PRSS16: variants seen among roughly 807,000 people sequenced by gnomAD.
PRSS16 encodes the protein serine protease 16, also known as thymus-specific serine protease.
Under a neutral mutation model 61.7 loss-of-function variants are expected in PRSS16, and 43 were observed. The ratio of observed to expected loss-of-function variants is 0.70; its 90% CI spans 0.55 to 0.90. The LOEUF (loss-of-function observed/expected upper bound fraction) is 0.90. Among genes scored for constraint, PRSS16 ranks in the 40% least tolerant of loss-of-function variants. PRSS16 has a pLI of 0.00. For missense variants in PRSS16, 591 were observed against 659.1 expected, an observed-to-expected ratio of 0.90 and a Z score of 1.13; for synonymous variants, 273 against 285.2, an observed-to-expected ratio of 0.96 and a Z score of 0.43.
In PRSS16 at chr6:27,251,224, C is replaced by T; in HGVS notation, c.677C>T (p.Ser226Phe). The T allele has an allele frequency of 6.2e-7, 1 of 1,612,450 alleles. No individual in the cohort carries two copies. Among genetic ancestry groups the T allele is most frequent in the East Asian group, 2.2e-5 (1 of 44,812 alleles). The change falls in exon 7 of 12, where the codon TCC becomes TTC. Residue 226 changes from serine (S) to phenylalanine (F), a missense_variant. By Grantham distance (155) the Ser-to-Phe change is radical. Transcript: ENST00000230582. The surrounding 1 kb of genome is among the most constrained non-coding windows in gnomAD (Gnocchi z 5.6). ...TCTGCGGTCCGCCCACAGGTGGTAT[C>T]CCGAAGCCTAATGAGCACCGCGATC... ...LDFSEYNDVV[S>F]RSLMSTAIGG...
rs747923319 is a variant in PRSS16, at chr6:27,251,245, C to T, written c.698C>T (p.Ala233Val). The change falls in exon 7 of 12, where the codon GCG becomes GTG. Residue 233 changes from alanine to valine, a missense_variant. Ala to Val is a moderately conservative substitution (Grantham distance 64, BLOSUM62 0). Coordinates refer to ENST00000230582, the MANE Select transcript of PRSS16 (RefSeq NM_005865.4). This position sits in a 1 kb window ranked among gnomAD's most constrained non-coding sequence, Gnocchi z 5.6. Reference sequence around the variant, plus strand: ...GTATCCCGAAGCCTAATGAGCACCGCGATCGGCGGGTCCCTGGAGGTAGGA... The same window carrying T: ...GTATCCCGAAGCCTAATGAGCACCGTGATCGGCGGGTCCCTGGAGGTAGGA... ...DVVSRSLMST[A>V]IGGSLECRAA... The T allele has an allele frequency of 1.9e-6, 3 of 1,609,806 alleles. No homozygotes were observed. Among genetic ancestry groups the T allele is most frequent in the Non-Finnish European group, 2.5e-6 (3 of 1,177,578 alleles).
At position 27,255,601 on chromosome 6, in the gene PRSS16, C is replaced by G. The variant is rs528218816; in HGVS notation, c.*286C>G. ...ATGTGACTTATGCTGGTGCCCTCGC[C>G]CTGCTGATCAGATTCTGGTTCAAAT... On this transcript the variant is annotated 3_prime_UTR_variant, in exon 12 of 12. Transcript: ENST00000230582. This position sits in a 1 kb window ranked among gnomAD's most constrained non-coding sequence, Gnocchi z 4.4. 6.3e-6 allele frequency: 2 copies of G among 317,200 alleles called. No individual in the cohort carries two copies. The highest frequency in any genetic ancestry group is 4.7e-5 in the Admixed American group (1 of 21,288). The allele number at this position is 317,200 out of a possible 1,614,324, so 19.6% of individuals were successfully genotyped here. A position where few individuals can be genotyped will look rare whatever the true frequency, so the allele number is the denominator to read the frequency against.
intron 9 of PRSS16, chr6:27,254,217 G>A (rs1759979931): frequency 6.4e-6 from 1 of 155,202 alleles, no homozygotes; most frequent in African/African-American, 2.4e-5. Flanking sequence ...CCTGGTAGGT[G>A]GTCAACAAAT....
In PRSS16 at chr6:27,251,780, GA is replaced by G; in HGVS notation, c.750del (p.Val251TrpfsTer19). The G allele has an allele frequency of 6.2e-7, 1 of 1,608,848 alleles. No individual in the cohort carries two copies. The highest frequency in any genetic ancestry group is 8.5e-7 in the Non-Finnish European group (1 of 1,178,898). On this transcript the variant is annotated frameshift_variant, in exon 8 of 12. Coordinates refer to ENST00000230582, the MANE Select transcript of PRSS16 (RefSeq NM_005865.4). LOFTEE classifies it high-confidence loss of function. This position sits in a 1 kb window ranked among gnomAD's most constrained non-coding sequence, Gnocchi z 5.6. ...CRAAVSVAFA[E>X]VERRLRSGGA... Reference sequence around the variant, plus strand: ...GGCGGCGGTGTCCGTCGCCTTCGCTGAAGTGGAGCGGCGGCTGCGCTCGGGT... The same window carrying G: ...GGCGGCGGTGTCCGTCGCCTTCGCTGAGTGGAGCGGCGGCTGCGCTCGGGT...
chr6:27,250,792 T>C lies in PRSS16; in HGVS notation c.577T>C (p.Trp193Arg), dbSNP rs756508534. The change falls in exon 5 of 12, where the codon TGG becomes CGG. Residue 193 changes from tryptophan to arginine, a missense_variant. By Grantham distance (101) the Trp-to-Arg change is moderately radical. Coordinates refer to ENST00000230582, the MANE Select transcript of PRSS16 (RefSeq NM_005865.4). The stretch of plus-strand genomic sequence containing the variant: ...CTCCTATGCCGGCTCCTTGGCCGCC[T>C]GGGCCCGGCTGAAGGTCCTGCGACT... ...GGSYAGSLAA[W>R]ARLKFPHLIF... 6.2e-7 allele frequency: 1 copy of C among 1,610,246 alleles called. No individual in the cohort carries two copies. Among genetic ancestry groups the C allele is most frequent in the Non-Finnish European group, 8.5e-7 (1 of 1,178,422 alleles).
At position 27,254,352 on chromosome 6, in the gene PRSS16, T is replaced by G. The variant is rs578210813; in HGVS notation, c.1151-341T>G. ...TTGAGCTCCGAGCATTCCAGACCTT[T>G]GCACGTGCTATTTCTTCTATTTACT... On this transcript the variant is annotated intron_variant, in intron 9 of 11. Coordinates refer to ENST00000230582, the MANE Select transcript of PRSS16 (RefSeq NM_005865.4). The G allele has an allele frequency of 1.7e-5, 4 of 231,762 alleles. No homozygotes were observed. In the South Asian group the frequency reaches 3.0e-4, roughly 17 times the overall value. 14.4% of individuals were successfully genotyped at this position (231,762 alleles called of 1,614,324 possible).
At position 27,254,997 on chromosome 6, in the gene PRSS16, C is replaced by G; in HGVS notation, c.1342C>G (p.Pro448Ala). ...KVLFVNGDTD[P>A]WHVLSVTQAL... The stretch of plus-strand genomic sequence containing the variant: ...TCCTTTCTTTCCAGGGGACACAGAC[C>G]CCTGGCATGTGCTAAGTGTAACACA... Residue 448 changes from proline (P) to alanine (A), a missense_variant, in exon 11 of 12, where the codon CCC (proline) becomes GCC (alanine). Coordinates refer to ENST00000230582, the MANE Select transcript of PRSS16 (RefSeq NM_005865.4). 6.2e-7 allele frequency: 1 copy of G among 1,613,258 alleles called. No homozygotes were observed. Among genetic ancestry groups the G allele is most frequent in the South Asian group, 1.1e-5 (1 of 91,054 alleles).
rs554862324 is a variant in PRSS16, at chr6:27,251,194, C to T, written c.670-23C>T. On this transcript the variant is annotated intron_variant, in intron 6 of 11. Coordinates refer to ENST00000230582, the MANE Select transcript of PRSS16 (RefSeq NM_005865.4). The surrounding 1 kb of genome is among the most constrained non-coding windows in gnomAD (Gnocchi z 5.6). Reference sequence around the variant, plus strand: ...GGAGTCCCTTGACACTTCCGGATACCTTCCTCTGCGGTCCGCCCACAGGTG... The same window carrying T: ...GGAGTCCCTTGACACTTCCGGATACTTTCCTCTGCGGTCCGCCCACAGGTG... The T allele has an allele frequency of 1.3e-5, 21 of 1,613,534 alleles. No individual in the cohort carries two copies. In the East Asian group the frequency reaches 4.5e-4, roughly 34 times the overall value.
chr6:27,252,242 A>G lies in PRSS16; in HGVS notation c.1008+202A>G. On this transcript the variant is annotated intron_variant, in intron 8 of 11. Coordinates refer to ENST00000230582, the MANE Select transcript of PRSS16 (RefSeq NM_005865.4). This position sits in a 1 kb window ranked among gnomAD's most constrained non-coding sequence, Gnocchi z 4.2. ...GCAATCAGCTGGGAGCCTGGCACACAGTGTGCGAATGTTAGAGACTGCGAT... is the reference window on the plus strand; with the variant it reads ...GCAATCAGCTGGGAGCCTGGCACACGGTGTGCGAATGTTAGAGACTGCGAT... 1 of 644,300 alleles carries G rather than the reference A, an allele frequency of 1.6e-6. No individual in the cohort carries two copies. Among genetic ancestry groups the G allele is most frequent in the Non-Finnish European group, 2.5e-6 (1 of 401,118 alleles). 39.9% of individuals were successfully genotyped at this position (644,300 alleles called of 1,614,324 possible). A position where few individuals can be genotyped will look rare whatever the true frequency, so the allele number is the denominator to read the frequency against.
At chr6:27,248,208 G>A (rs553707152) in intron 2 of PRSS16, among the ~76,000 whole-genome samples, 160 bp downstream of exon 2, 1 of 151,478 alleles carries the variant, frequency 6.6e-6, no homozygotes, top group East Asian at 2.0e-4. Flanking sequence ...CCCTTTTCCT[G>A]CCCTTTGTAG....
At chr6:27,253,044 AC>A in intron 9 of PRSS16, 95 bp downstream of exon 9, 2 of 1,526,992 alleles carry the variant, frequency 1.3e-6, no homozygotes, top group Non-Finnish European at 1.8e-6. Context: ...ACTCATTTCG[AC>A]CCAGCTCTCA....
intron 10 of PRSS16, 34 bp downstream of exon 10, chr6:27,254,906 T>G (rs371173201): frequency 6.2e-7 from 1 of 1,612,208 alleles, no homozygotes; most frequent in African/African-American, 1.3e-5. Flanking sequence ...CTGCTAAGCC[T>G]CCACCTAGCC....
Position 27,249,113 on chromosome 6 carries a change from C to T in PRSS16, c.351C>T (p.Ala117=), listed in dbSNP as rs1759810501. The change falls in exon 4 of 12, where the codon GCC becomes GCT. Residue 117 remains alanine, a synonymous_variant. Coordinates refer to ENST00000230582, the MANE Select transcript of PRSS16 (RefSeq NM_005865.4). ...PGSVMRGHPA[A]LAPAWGALVI... ...CACTCTTCACAGGCCATCCCGCAGC[C>T]TTGGCCCCAGCCTGGGGCGCCCTGG... The T allele has an allele frequency of 1.4e-6, 2 of 1,471,306 alleles. No homozygotes were observed. Among genetic ancestry groups the T allele is most frequent in the South Asian group, 1.1e-5 (1 of 88,724 alleles). The allele number at this position is 1,471,306 out of a possible 1,614,324, so 91.1% of individuals were successfully genotyped here.
At position 27,256,110 on chromosome 6, in the gene PRSS16, C is replaced by T. The variant is rs932001479; in HGVS notation, c.*795C>T. 1.3e-5 allele frequency: 2 copies of T among 152,452 alleles called. No individual in the cohort carries two copies. Among genetic ancestry groups the T allele is most frequent in the Non-Finnish European group, 2.9e-5 (2 of 68,250 alleles). The allele number at this position is 152,452 out of a possible 1,614,324, so 9.4% of individuals were successfully genotyped here. A position where few individuals can be genotyped will look rare whatever the true frequency, so the allele number is the denominator to read the frequency against. ...TGCTGTGTCCTCAATCTCTCTGTCT[C>T]CCTGAGGCTCTATTTCTGTCTCTGA... On this transcript the variant is annotated 3_prime_UTR_variant, in exon 12 of 12. Transcript: ENST00000230582.
chr6:27,254,782 T>TCAGCCC lies in PRSS16; in HGVS notation c.1245_1246insCCAGCC (p.Ala415_Leu416insProAla). ...CCTATGTGAGCAGGTGTTTGGGCTC[T>TCAGCCC]CAGCCTTGTCAGTAGCCCAGGCTGT... On this transcript the variant is annotated inframe_insertion, in exon 10 of 12. Coordinates refer to ENST00000230582, the MANE Select transcript of PRSS16 (RefSeq NM_005865.4). 1 of 1,614,174 alleles carries TCAGCCC rather than the reference T, an allele frequency of 6.2e-7. No individual in the cohort carries two copies.
At position 27,255,150 on chromosome 6, in the gene PRSS16, T is replaced by G; in HGVS notation, c.1476+19T>G. 6.2e-7 allele frequency: 1 copy of G among 1,614,116 alleles called. No homozygotes were observed. Among genetic ancestry groups the G allele is most frequent in the South Asian group, 1.1e-5 (1 of 91,080 alleles). On this transcript the variant is annotated intron_variant, in intron 11 of 11. Transcript: ENST00000230582. The surrounding 1 kb of genome is among the most constrained non-coding windows in gnomAD (Gnocchi z 4.4). ...GCGCCAGGTAAGAGAAAAAAGGCTCTGAATCATTTGCATTCTCATTTGAAT... is the reference window on the plus strand; with the variant it reads ...GCGCCAGGTAAGAGAAAAAAGGCTCGGAATCATTTGCATTCTCATTTGAAT...
chr6:27,248,819 A>G, intron 2 of PRSS16, 28 bp from the exon 3 acceptor site: 1 of 1,487,558 alleles, frequency 6.7e-7, no homozygotes, highest in Non-Finnish European at 9.2e-7. Flanking sequence ...TCACAGTGCC[A>G]TTTCTTCTTC....
chr6:27,254,919 A>G, intron 10 of PRSS16, 47 bp downstream of exon 10: 1 of 1,611,704 alleles, frequency 6.2e-7, no homozygotes, highest in Non-Finnish European at 8.5e-7. Context: ...ACCTAGCCCC[A>G]GCTCAACATA....
At chr6:27,254,544 T>C in intron 9 of PRSS16, 149 bp from the exon 10 acceptor site, 1 of 738,690 alleles carries the variant, frequency 1.4e-6, no homozygotes, top group Non-Finnish European at 2.3e-6. Context: ...GTCAGGGGAC[T>C]GTGTGAGTCT....
Sources: gnomAD v4.1 joint callset for allele counts (sites outside exome capture counted in the v4.1 genomes callset) on GRCh38, gnomAD v4.1.1 for gene constraint, Gnocchi (gnomAD v3.1) non-coding constraint, MANE v1.5 for transcripts, NCBI Gene and HGNC (gene_info 2026-07-23, HGNC 2026-07-21) for gene names.